The following ZNG1B variants were observed in gnomAD, a reference collection of about 807,000 sequenced individuals.
ZNG1B encodes the protein zinc-regulated GTPase metalloprotein activator 1B.
At chr2:113,472,095 C>T in the ZNG1B span, among the ~76,000 whole-genome samples, 42 of 145,646 alleles carry the variant, frequency 2.9e-4, 1 homozygote, top group Admixed American at 6.2e-4. Context: ...TTTACAGTTC[C>T]GCCAACAGTG....
chr2:113,477,663 T>C, the ZNG1B span, among the ~76,000 whole-genome samples: 1 of 152,192 alleles, frequency 6.6e-6, no homozygotes, highest in Non-Finnish European at 1.5e-5. Flanking sequence ...CTTTTTTTAT[T>C]GTAGTAAGAA....
chr2:113,443,011 C>G, the ZNG1B span, among the ~76,000 whole-genome samples: 1 of 151,208 alleles, frequency 6.6e-6, no homozygotes, highest in Non-Finnish European at 1.5e-5. Flanking sequence ...CTGTGTTGCC[C>G]AGGCTGGAGT....
At chr2:113,437,717 G>C in the ZNG1B span, 1 of 1,522,912 alleles carries the variant, frequency 6.6e-7, no homozygotes. Flanking sequence ...CTCGTCCAGA[G>C]CCCAGGTAAT....
At chr2:113,470,116 C>T in the ZNG1B span, 9 of 151,404 alleles carry the variant, frequency 5.9e-5, no homozygotes, top group Admixed American at 1.3e-4. Flanking sequence ...CGCAGCCTCC[C>T]GAGTAGCTGG....
chr2:113,439,610 C>T, the ZNG1B span, among the ~76,000 whole-genome samples: 1 of 152,204 alleles, frequency 6.6e-6, no homozygotes, highest in African/African-American at 2.4e-5. Context: ...AATTCCTTAA[C>T]ATGAATTACA....
the ZNG1B span, among the ~76,000 whole-genome samples, chr2:113,438,593 C>T: frequency 4.6e-5 from 7 of 151,900 alleles, no homozygotes; most frequent in Non-Finnish European, 7.4e-5. Context: ...TCTCTGTCCT[C>T]CAAGACTATT....
At chr2:113,476,521 C>A in the ZNG1B span, among the ~76,000 whole-genome samples, 1 of 149,220 alleles carries the variant, frequency 6.7e-6, no homozygotes, top group Admixed American at 6.7e-5. Flanking sequence ...AGCTTTGTTC[C>A]GTTGCTGGTG....
the ZNG1B span, among the ~76,000 whole-genome samples, chr2:113,488,001 C>T: frequency 9.2e-3 from 1,394 of 152,136 alleles, 24 homozygotes; most frequent in African/African-American, 0.032. Flanking sequence ...TGTTCCTTTC[C>T]ATACTACCAC....
At chr2:113,443,391 T>G in the ZNG1B span, among the ~76,000 whole-genome samples, 12 of 151,606 alleles carry the variant, frequency 7.9e-5, no homozygotes, top group African/African-American at 2.9e-4. Flanking sequence ...TCTTAAGAGG[T>G]TGAAGGGCAT....
chr2:113,447,945 G>A, the ZNG1B span: 1 of 398,920 alleles, frequency 2.5e-6, no homozygotes, highest in South Asian at 1.9e-5. Context: ...GTGAGGGCTG[G>A]AATCATCTTT....
At chr2:113,459,640 C>G in the ZNG1B span, among the ~76,000 whole-genome samples, 5 of 151,360 alleles carry the variant, frequency 3.3e-5, no homozygotes, top group African/African-American at 9.7e-5. Context: ...AAATAGCCAT[C>G]TCCCATAATT....
At chr2:113,441,107 G>A in the ZNG1B span, among the ~76,000 whole-genome samples, 1 of 152,060 alleles carries the variant, frequency 6.6e-6, no homozygotes, top group Non-Finnish European at 1.5e-5. Context: ...GGTTAGGCTA[G>A]GTTGAAGAAA....
At chr2:113,442,143 A>T in the ZNG1B span, among the ~76,000 whole-genome samples, 2 of 152,310 alleles carry the variant, frequency 1.3e-5, no homozygotes, top group African/African-American at 4.8e-5. Flanking sequence ...ACTTTGTTTA[A>T]TGTTTATTAT....
the ZNG1B span, among the ~76,000 whole-genome samples, chr2:113,461,313 C>T: frequency 6.6e-6 from 1 of 151,712 alleles, no homozygotes. Flanking sequence ...AGCTCCTGAC[C>T]TCAGGTGATC....
At chr2:113,439,560 C>T in the ZNG1B span, among the ~76,000 whole-genome samples, 1 of 152,158 alleles carries the variant, frequency 6.6e-6, no homozygotes, top group East Asian at 1.9e-4. Context: ...AATCCGACTG[C>T]GTCACACCTT....
At chr2:113,446,695 C>T in the ZNG1B span, among the ~76,000 whole-genome samples, 5 of 151,300 alleles carry the variant, frequency 3.3e-5, no homozygotes, top group Non-Finnish European at 5.9e-5. Context: ...TGCGGTGAGC[C>T]GAGATCACGC....
the ZNG1B span, chr2:113,470,288 C>T: frequency 6.6e-6 from 1 of 152,524 alleles, no homozygotes; most frequent in African/African-American, 2.4e-5. Flanking sequence ...GCCACCGTGC[C>T]CGGCCTGTCC....
the ZNG1B span, chr2:113,493,664 TC>T: frequency 1.2e-6 from 1 of 845,918 alleles, no homozygotes; most frequent in Non-Finnish European, 1.7e-6. Context: ...AATGTAAAAT[TC>T]CATGAATATG....
chr2:113,441,096 A>G, the ZNG1B span, among the ~76,000 whole-genome samples: 1 of 152,100 alleles, frequency 6.6e-6, no homozygotes, highest in African/African-American at 2.4e-5. Flanking sequence ...ATTTTAGGGA[A>G]GGTTAGGCTA....
Sources: allele counts gnomAD v4.1 joint callset (sites outside exome capture counted in the v4.1 genomes callset), GRCh38; gene constraint gnomAD v4.1.1; transcripts MANE v1.5; gene names NCBI Gene and HGNC (gene_info 2026-07-23, HGNC 2026-07-21).